The following SLC4A8 variants were observed in gnomAD, a reference collection of about 807,000 sequenced individuals.
The protein encoded by SLC4A8 is solute carrier family 4 member 8, also known as electroneutral sodium bicarbonate exchanger 1.
Under a neutral mutation model 125.0 loss-of-function variants are expected in SLC4A8, and 40 were observed. The ratio of observed to expected loss-of-function variants is 0.32; its 90% CI spans 0.25 to 0.42. SLC4A8 has a LOEUF of 0.42. Among genes scored for constraint, SLC4A8 ranks in the 10% least tolerant of loss-of-function variants. SLC4A8 has a pLI of 1.00. For synonymous variants in SLC4A8, 456 were observed against 476.0 expected, an observed-to-expected ratio of 0.96 and a Z score of 0.55; for missense variants, 863 against 1,355.1, an observed-to-expected ratio of 0.64 and a Z score of 5.70.
chr12:51,481,731 C>T (rs1289020652), intron 16 of SLC4A8, among the ~76,000 whole-genome samples: 1 of 151,890 alleles, frequency 6.6e-6, no homozygotes, highest in Non-Finnish European at 1.5e-5. Context: ...TCGCTTGAGC[C>T]CAGGAATTTG....
chr12:51,504,185 T>C, intron 23 of SLC4A8, 65 bp downstream of exon 23: 1 of 961,812 alleles, frequency 1.0e-6, no homozygotes, highest in Non-Finnish European at 1.6e-6. Context: ...GGCTTTGTGG[T>C]GGTGGTGGTG....
chr12:51,503,233 T>A lies in SLC4A8; in HGVS notation c.3082-796T>A, dbSNP rs1405247776. On this transcript the variant is annotated intron_variant, in intron 22 of 24. Coordinates refer to ENST00000453097, the MANE Select transcript of SLC4A8 (RefSeq NM_001039960.3). The stretch of plus-strand genomic sequence containing the variant: ...ATTATTTTTTTATTTTTTATTTTTA[T>A]TTTTTTTTTGAGACGGAGTCTCACC... Among the ~76,000 whole-genome samples, 8 of 145,908 alleles carry A rather than the reference T, an allele frequency of 5.5e-5. 1 individual carries two copies. The highest frequency in any genetic ancestry group is 2.0e-4 in the African/African-American group (8 of 40,088).
chr12:51,454,420 T>C (rs1950070402), intron 5 of SLC4A8, among the ~76,000 whole-genome samples: 1 of 144,658 alleles, frequency 6.9e-6, no homozygotes, highest in Admixed American at 6.9e-5. Context: ...GCGTTCAGCA[T>C]ATGGAGGAGC....
chr12:51,490,176 C>A (rs1286895154), intron 19 of SLC4A8, among the ~76,000 whole-genome samples: 2 of 152,160 alleles, frequency 1.3e-5, no homozygotes, highest in African/African-American at 4.8e-5. Context: ...AGGAAATACA[C>A]AGTGCTTTCT....
At chr12:51,492,935 G>A (rs554843703) in intron 19 of SLC4A8, among the ~76,000 whole-genome samples, 2 of 151,838 alleles carry the variant, frequency 1.3e-5, no homozygotes, top group South Asian at 2.1e-4. Context: ...GTGAGAACAT[G>A]CAGTGTTTGG....
At position 51,508,900 on chromosome 12, in the gene SLC4A8, T is replaced by A. The variant is rs183417438; in HGVS notation, c.*1462T>A. On this transcript the variant is annotated 3_prime_UTR_variant, in exon 25 of 25. Transcript: ENST00000453097. ...AGGTGAAGGGTTGGCTATATCACTT[T>A]ATTGAATTTTGCATTCCTTAGACTT... 65 of 152,526 alleles carry A rather than the reference T, an allele frequency of 4.3e-4. No individual in the cohort carries two copies. The highest frequency in any genetic ancestry group is 9.1e-4 in the Admixed American group (14 of 15,302). 9.4% of individuals were successfully genotyped at this position (152,526 alleles called of 1,614,324 possible).
intron 1 of SLC4A8, among the ~76,000 whole-genome samples, chr12:51,394,939 G>A (rs1003421327): frequency 3.3e-5 from 5 of 152,176 alleles, no homozygotes; most frequent in Non-Finnish European, 4.4e-5. Flanking sequence ...TCAGGTGGGA[G>A]GATTGCTTGA....
intron 16 of SLC4A8, among the ~76,000 whole-genome samples, chr12:51,483,274 G>T (rs568623941): frequency 6.6e-6 from 1 of 151,578 alleles, no homozygotes; most frequent in Non-Finnish European, 1.5e-5. Flanking sequence ...AATTTGGGGG[G>T]AGAATATTTG....
At chr12:51,474,503 C>G in intron 15 of SLC4A8, 56 bp downstream of exon 15, 3 of 1,569,056 alleles carry the variant, frequency 1.9e-6, no homozygotes, top group Non-Finnish European at 2.6e-6. Flanking sequence ...TTAGGAGGGA[C>G]TTCTAAGTGA....
chr12:51,446,348 A>G (rs1448625664), intron 2 of SLC4A8, among the ~76,000 whole-genome samples: 1 of 152,244 alleles, frequency 6.6e-6, no homozygotes, highest in South Asian at 2.1e-4. Flanking sequence ...ATCTCTGATC[A>G]TCTTATCCTC....
upstream of SLC4A8, among the ~76,000 whole-genome samples, chr12:51,420,540 T>A (rs1360218989): frequency 1.3e-5 from 2 of 152,204 alleles, no homozygotes; most frequent in African/African-American, 4.8e-5. Flanking sequence ...TATGAACACA[T>A]CCTTACAATT....
chr12:51,510,637 C>A lies in SLC4A8; in HGVS notation c.*3199C>A, dbSNP rs1938334893. The stretch of plus-strand genomic sequence containing the variant: ...GATCAATCTAGTGTTTCAGCCAGTT[C>A]ACTACTGACATCAGACTCAACTTTG... On this transcript the variant is annotated 3_prime_UTR_variant, in exon 25 of 25. Coordinates refer to ENST00000453097, the MANE Select transcript of SLC4A8 (RefSeq NM_001039960.3). 1 of 152,190 alleles carries A rather than the reference C, an allele frequency of 6.6e-6. No individual in the cohort carries two copies. Among genetic ancestry groups the A allele is most frequent in the Admixed American group, 6.5e-5 (1 of 15,276 alleles). 9.4% of individuals were successfully genotyped at this position (152,190 alleles called of 1,614,324 possible).
chr12:51,435,596 C>T (rs1049763046), intron 1 of SLC4A8, among the ~76,000 whole-genome samples: 37 of 152,080 alleles, frequency 2.4e-4, no homozygotes, highest in African/African-American at 7.7e-4. Context: ...CCCGCCCCAA[C>T]TCCGCCACCT....
At chr12:51,479,126 G>T (rs1950942195) in intron 16 of SLC4A8, among the ~76,000 whole-genome samples, 1 of 152,218 alleles carries the variant, frequency 6.6e-6, no homozygotes, top group South Asian at 2.1e-4. Context: ...GGGATTGGCA[G>T]GAGGGGAGCT....
intron 1 of SLC4A8, among the ~76,000 whole-genome samples, chr12:51,415,544 C>G (rs181147367): frequency 1.4e-4 from 21 of 152,114 alleles, no homozygotes; most frequent in African/African-American, 5.1e-4. Context: ...TTTTGTCTTG[C>G]TCTGTCACAG....
intron 22 of SLC4A8, among the ~76,000 whole-genome samples, chr12:51,503,156 C>T (rs1247387790): frequency 2.0e-5 from 3 of 150,674 alleles, no homozygotes; most frequent in African/African-American, 4.9e-5. Flanking sequence ...TGACGTCTTT[C>T]AGCAGTGCTT....
chr12:51,417,022 G>A (rs1177645067), intron 1 of SLC4A8, among the ~76,000 whole-genome samples: 2 of 152,118 alleles, frequency 1.3e-5, no homozygotes, highest in Non-Finnish European at 2.9e-5. Flanking sequence ...TCAGGAGGCT[G>A]AGGTGGGAGG....
intron 19 of SLC4A8, among the ~76,000 whole-genome samples, chr12:51,491,991 A>G (rs1195564462): frequency 1.3e-5 from 2 of 152,250 alleles, no homozygotes; most frequent in Non-Finnish European, 2.9e-5. Flanking sequence ...GAGATAAGGA[A>G]GTAAGGACTG....
rs1950809814 is a variant in SLC4A8, at chr12:51,474,675, C to T, written c.2010+228C>T. Reference sequence around the variant, plus strand: ...CTCCCCCCTACATCCTACCCAGTGACCCTGCACTAAGGATAGGTGGGGATG... The same window carrying T: ...CTCCCCCCTACATCCTACCCAGTGATCCTGCACTAAGGATAGGTGGGGATG... On this transcript the variant is annotated intron_variant, in intron 15 of 24. Transcript: ENST00000453097. 5 of 698,268 alleles carry T rather than the reference C, an allele frequency of 7.2e-6. No homozygotes were observed. In the South Asian group the frequency reaches 1.0e-4, roughly 14 times the overall value. 43.3% of individuals were successfully genotyped at this position (698,268 alleles called of 1,614,324 possible).
Sources: gnomAD v4.1 joint callset for allele counts (sites outside exome capture counted in the v4.1 genomes callset) on GRCh38, gnomAD v4.1.1 for gene constraint, MANE v1.5 for transcripts, NCBI Gene and HGNC (gene_info 2026-07-23, HGNC 2026-07-21) for gene names.